Variants in UTP25 observed in about 807,000 individuals in gnomAD.
The protein encoded by UTP25 is UTP25 small subunit processome component, also known as U3 small nucleolar RNA-associated protein 25 homolog.
Under a neutral mutation model 78.9 loss-of-function variants are expected in UTP25, and 50 were observed. The ratio of observed to expected loss-of-function variants is 0.63; its 90% confidence interval spans 0.50 to 0.80. The LOEUF is 0.80. UTP25 is among the 30% of genes least tolerant of loss of function. The probability of loss-of-function intolerance (pLI) is 0.00; values close to 1 mark genes in which losing one functional copy is unlikely to be tolerated. For synonymous variants in UTP25, 329 were observed against 336.5 expected (o/e 0.98, Z 0.24); for missense variants, 846 against 911.3 (o/e 0.93, Z 0.92).
At position 209,857,275 on chromosome 1, in the gene UTP25, A is replaced by T. The variant is rs889356180; in HGVS notation, c.*5828A>T. On this transcript the variant is annotated 3_prime_UTR_variant, in exon 12 of 12. Transcript: ENST00000491415. ...CCACTTAAGGCTCAACTATTGGAAT[A>T]CATCTACCATGTCTCCTATGAAACT... 6.6e-6 allele frequency: 1 copy of T among 152,040 alleles called. No individual in the cohort carries two copies. Among genetic ancestry groups the T allele is most frequent in the Admixed American group, 6.5e-5 (1 of 15,268 alleles). 9.4% of individuals were successfully genotyped at this position (152,040 alleles called of 1,614,324 possible). A position where few individuals can be genotyped will look rare whatever the true frequency, so the allele number is the denominator to read the frequency against.
intron 3 of UTP25, among the ~76,000 whole-genome samples, chr1:209,832,618 C>G (rs954203679): frequency 6.6e-6 from 1 of 152,212 alleles, no homozygotes; most frequent in Non-Finnish European, 1.5e-5. Flanking sequence ...AGATCTGGCT[C>G]ACGCCTGTAA....
At chr1:209,848,615 G>A (rs1200635289) in intron 11 of UTP25, among the ~76,000 whole-genome samples, 1 of 152,174 alleles carries the variant, frequency 6.6e-6, no homozygotes, top group Admixed American at 6.5e-5. Flanking sequence ...AGTTAAAAAT[G>A]TGTCATGCGT....
Position 209,831,793 on chromosome 1 carries a change from A to G in UTP25, c.388+750A>G, listed in dbSNP as rs534781522. ...GTAGATTAGTTTTGCCTGTTCTAGA[A>G]ATTCATATAAATTGAATCATACAGT... On this transcript the variant is annotated intron_variant, in intron 3 of 11. Transcript: ENST00000491415. 3.9e-5 allele frequency among the ~76,000 whole-genome samples: 6 copies of G among 152,254 alleles called. No individual in the cohort carries two copies. In the South Asian group the frequency reaches 8.3e-4, roughly 21 times the overall value.
At chr1:209,845,603 C>T (rs1406458275) in intron 11 of UTP25, among the ~76,000 whole-genome samples, 6 of 152,166 alleles carry the variant, frequency 3.9e-5, no homozygotes, top group Non-Finnish European at 7.3e-5. Flanking sequence ...CTCAAAGTCA[C>T]GATAAGGACA....
At chr1:209,841,203 A>C in intron 8 of UTP25, 148 bp downstream of exon 8, 1 of 843,482 alleles carries the variant, frequency 1.2e-6, no homozygotes. Context: ...TTCTAATTTG[A>C]AAAAGTCTTT....
Position 209,838,955 on chromosome 1 carries a change from A to G in UTP25, c.1109A>G (p.Gln370Arg), listed in dbSNP as rs759341918. The G allele has an allele frequency of 5.6e-6, 9 of 1,614,126 alleles. No individual in the cohort carries two copies. Among genetic ancestry groups the G allele is most frequent in the Non-Finnish European group, 7.6e-6 (9 of 1,179,982 alleles). ...CGGGAAGCTGCTTTGCGGGTGGTGC[A>G]GCTCTTCATCAGCCTCCTCGAGGGT... ...PFREAALRVV[Q>R]LFISLLEGDS... Residue 370 changes from glutamine (Q) to arginine (R), a missense_variant, in exon 7 of 12, where the codon CAG (glutamine) becomes CGG (arginine). Coordinates refer to ENST00000491415, the MANE Select transcript of UTP25 (RefSeq NM_014388.7).
At chr1:209,831,131 T>C (rs1426954884) in intron 3 of UTP25, 88 bp downstream of exon 3, 2 of 1,411,132 alleles carry the variant, frequency 1.4e-6, no homozygotes, top group Non-Finnish European at 1.9e-6. Flanking sequence ...ACTGTGTGAG[T>C]TGGATGAAAG....
At chr1:209,838,329 G>A (rs2884133) in intron 6 of UTP25, among the ~76,000 whole-genome samples, 1 of 152,132 alleles carries the variant, frequency 6.6e-6, no homozygotes, top group Non-Finnish European at 1.5e-5. Flanking sequence ...AATATGCTTA[G>A]AAAGCTGAGT....
intron 11 of UTP25, among the ~76,000 whole-genome samples, chr1:209,846,078 C>T (rs2078195534): frequency 6.6e-6 from 1 of 152,056 alleles, no homozygotes. Flanking sequence ...TGGTCTTGAA[C>T]TCCTGGCCTC....
rs1279728302 is a variant in UTP25, at chr1:209,854,469, G to GCA, written c.*3025_*3026dup. On this transcript the variant is annotated 3_prime_UTR_variant, in exon 12 of 12. Coordinates refer to ENST00000491415, the MANE Select transcript of UTP25 (RefSeq NM_014388.7). ...TTGCTTCCAAAGGGCTTATAATTGA[G>GCA]CACAGATGGTCCTAGTGGAGATGGG... 3 of 152,198 alleles carry GCA rather than the reference G, an allele frequency of 2.0e-5. No individual in the cohort carries two copies. Among genetic ancestry groups the GCA allele is most frequent in the African/African-American group, 7.2e-5 (3 of 41,438 alleles). The allele number at this position is 152,198 out of a possible 1,614,324, so 9.4% of individuals were successfully genotyped here.
intron 3 of UTP25, among the ~76,000 whole-genome samples, chr1:209,832,496 G>A (rs903134343): frequency 3.9e-5 from 6 of 152,134 alleles, no homozygotes; most frequent in Non-Finnish European, 8.8e-5. Context: ...ACATCTTAGT[G>A]TACTATGTCT....
chr1:209,842,235 C>T (rs1489909147), intron 8 of UTP25, 30 bp from the exon 9 acceptor site: 1 of 1,606,122 alleles, frequency 6.2e-7, no homozygotes, highest in Middle Eastern at 2.0e-4. Flanking sequence ...TCTCAGTCAA[C>T]ACTAATGGTA....
At chr1:209,840,055 C>T (rs2102575166) in intron 7 of UTP25, among the ~76,000 whole-genome samples, 1 of 152,252 alleles carries the variant, frequency 6.6e-6, no homozygotes, top group South Asian at 2.1e-4. Flanking sequence ...GGTGACTAAG[C>T]TTGGAATGAC....
chr1:209,834,469 G>A (rs1432888611), intron 4 of UTP25, among the ~76,000 whole-genome samples: 2 of 152,174 alleles, frequency 1.3e-5, no homozygotes, highest in Non-Finnish European at 2.9e-5. Flanking sequence ...GTGTCCCAGT[G>A]CAAGATCAAT....
chr1:209,841,047 C>T lies in UTP25; in HGVS notation c.1477C>T (p.His493Tyr), dbSNP rs1269176994. 6.2e-7 allele frequency: 1 copy of T among 1,613,906 alleles called. No homozygotes were observed. The highest frequency in any genetic ancestry group is 1.1e-5 in the South Asian group (1 of 91,084). Reference protein sequence around the residue: ...ADIYLMQNWEHVLHLMNHMNL... With the variant: ...ADIYLMQNWEYVLHLMNHMNL... Reference sequence around the variant, plus strand: ...CATTTACCTGATGCAGAACTGGGAGCATGTCCTGGTAATGCTGGCCATTCA... The same window carrying T: ...CATTTACCTGATGCAGAACTGGGAGTATGTCCTGGTAATGCTGGCCATTCA... The change falls in exon 8 of 12, where the codon CAT becomes TAT. Residue 493 changes from histidine to tyrosine, a missense_variant. Coordinates refer to ENST00000491415, the MANE Select transcript of UTP25 (RefSeq NM_014388.7).
At chr1:209,851,068 T>C in intron 11 of UTP25, 136 bp from the exon 12 acceptor site, 1 of 920,764 alleles carries the variant, frequency 1.1e-6, no homozygotes, top group Non-Finnish European at 1.6e-6. Flanking sequence ...TAACTTTTGT[T>C]CTGTTACTTG....
At position 209,830,981 on chromosome 1, in the gene UTP25, A is replaced by T; in HGVS notation, c.326A>T (p.Asp109Val). Reference protein sequence around the residue: ...IVDDAEMNDEDGGSDVSVEEE... With the variant: ...IVDDAEMNDEVGGSDVSVEEE... ...GATGATGCAGAAATGAACGATGAAG[A>T]TGGTGGTAGCGATGTCAGTGTGGAA... Residue 109 changes from aspartate to valine, a missense_variant, in exon 3 of 12, where the codon GAT (aspartate) becomes GTT (valine). Coordinates refer to ENST00000491415, the MANE Select transcript of UTP25 (RefSeq NM_014388.7). 6.2e-7 allele frequency: 1 copy of T among 1,614,122 alleles called. No individual in the cohort carries two copies.
rs775081069 is a variant in UTP25 at position 209,837,066 on chromosome 1, T to C, written c.917T>C (p.Ile306Thr). 1.9e-6 allele frequency: 3 copies of C among 1,614,106 alleles called. No individual in the cohort carries two copies. The highest frequency in any genetic ancestry group is 8.5e-7 in the Non-Finnish European group (1 of 1,180,014). ...ERTALKNGEE[I>T]RHVYCLHVIN... ...ACTGCTCTGAAGAACGGGGAAGAGA[T>C]CCGCCATGTGTATTGCCTGCATGTG... Residue 306 changes from isoleucine to threonine, a missense_variant, in exon 6 of 12, where the codon ATC (isoleucine) becomes ACC (threonine). Ile to Thr is a moderately conservative substitution (Grantham distance 89, BLOSUM62 -1). Coordinates refer to ENST00000491415, the MANE Select transcript of UTP25 (RefSeq NM_014388.7).
Position 209,855,344 on chromosome 1 carries a change from T to G in UTP25, c.*3897T>G, listed in dbSNP as rs1441258579. The stretch of plus-strand genomic sequence containing the variant: ...GATGTGGGGAGTTGCCGCCTCCACT[T>G]GCATTACATGTATTTCAGAGTAGGT... On this transcript the variant is annotated 3_prime_UTR_variant, in exon 12 of 12. Coordinates refer to ENST00000491415, the MANE Select transcript of UTP25 (RefSeq NM_014388.7). 1 of 152,248 alleles carries G rather than the reference T, an allele frequency of 6.6e-6. No homozygotes were observed. The highest frequency in any genetic ancestry group is 2.4e-5 in the African/African-American group (1 of 41,454). The allele number at this position is 152,248 out of a possible 1,614,324, so 9.4% of individuals were successfully genotyped here. A position where few individuals can be genotyped will look rare whatever the true frequency, so the allele number is the denominator to read the frequency against.
Sources: gnomAD v4.1 joint callset for allele counts (sites outside exome capture counted in the v4.1 genomes callset) on GRCh38, gnomAD v4.1.1 for gene constraint, MANE v1.5 for transcripts, NCBI Gene and HGNC (gene_info 2026-07-23, HGNC 2026-07-21) for gene names.